GRIP1: variants seen among roughly 807,000 people sequenced by gnomAD.
GRIP1 encodes the protein glutamate receptor interacting protein 1.
GRIP1 carries 45 observed loss-of-function variants against 129.9 expected under a neutral mutation model. That is an observed-to-expected ratio of 0.35 (90% CI 0.27 to 0.44). The LOEUF (loss-of-function observed/expected upper bound fraction) is 0.44. Ranked by LOEUF, GRIP1 falls within the 20% of genes least tolerant of loss-of-function variation. GRIP1 has a pLI of 1.00. For missense variants in GRIP1, 1,196 were observed against 1,396.8 expected (o/e 0.86, Z 2.29); for synonymous variants, 530 against 520.8 (o/e 1.02, Z -0.24).
At chr12:67,023,828 C>T (rs2042902186) in intron 1 of GRIP1, among the ~76,000 whole-genome samples, 1 of 152,156 alleles carries the variant, frequency 6.6e-6, no homozygotes, top group Non-Finnish European at 1.5e-5. Context: ...ACCAGGGGCA[C>T]AGTGTCTCCT....
At chr12:66,550,885 G>C (rs1286529643) in intron 2 of GRIP1, among the ~76,000 whole-genome samples, 1 of 152,134 alleles carries the variant, frequency 6.6e-6, no homozygotes, top group African/African-American at 2.4e-5. Flanking sequence ...TGTAAGAGTT[G>C]ATAAGGGCCA....
intron 1 of GRIP1, among the ~76,000 whole-genome samples, chr12:67,031,471 T>A (rs2043021371): frequency 6.6e-6 from 1 of 152,186 alleles, no homozygotes; most frequent in Non-Finnish European, 1.5e-5. Context: ...ATTCTCAAAA[T>A]GTCAGAAATT....
At chr12:67,059,071 A>G (rs1592528110) in intron 1 of GRIP1, among the ~76,000 whole-genome samples, 1 of 152,244 alleles carries the variant, frequency 6.6e-6, no homozygotes, top group Non-Finnish European at 1.5e-5. Flanking sequence ...CCTATGTGGC[A>G]CATGCCACAT....
rs540994386 is a variant in GRIP1 at position 66,710,458 on chromosome 12, T to C, written c.-419-80122A>G. Among the ~76,000 whole-genome samples, 21 of 152,112 alleles carry C rather than the reference T, an allele frequency of 1.4e-4. No individual in the cohort carries two copies. The South Asian group carries it at 3.7e-3, about 27-fold the overall frequency. ...TCTTTCACATCTTGAAAATGTCTTATTCTTGAGGTAAGTTAATATTTATTT... is the reference window on the plus strand; with the variant it reads ...TCTTTCACATCTTGAAAATGTCTTACTCTTGAGGTAAGTTAATATTTATTT... On this transcript the variant is annotated intron_variant, in intron 1 of 4. Coordinates refer to the GRIP1 transcript ENST00000538373.
chr12:66,799,974 T>C (rs1317544097), intron 1 of GRIP1, among the ~76,000 whole-genome samples: 2 of 152,190 alleles, frequency 1.3e-5, no homozygotes, highest in East Asian at 1.9e-4. Flanking sequence ...AAATACGATT[T>C]GAATATCTAA....
intron 1 of GRIP1, among the ~76,000 whole-genome samples, chr12:66,893,503 G>A (rs2040696211): frequency 6.6e-6 from 1 of 152,130 alleles, no homozygotes; most frequent in South Asian, 2.1e-4. Flanking sequence ...CTCCCAAAGT[G>A]CTGGGAATAC....
chr12:66,645,247 G>A (rs2032266617), intron 1 of GRIP1, among the ~76,000 whole-genome samples: 1 of 152,112 alleles, frequency 6.6e-6, no homozygotes, highest in South Asian at 2.1e-4. Flanking sequence ...TATTGATGAG[G>A]AAACTAAAGC....
intron 1 of GRIP1, among the ~76,000 whole-genome samples, chr12:66,864,795 G>T (rs2040174031): frequency 1.3e-5 from 2 of 152,212 alleles, no homozygotes; most frequent in South Asian, 4.1e-4. Flanking sequence ...ATCAAATCCA[G>T]AAAATTATTG....
intron 7 of GRIP1, among the ~76,000 whole-genome samples, chr12:66,497,105 AGGTACACACTATGCATG>A (rs2138729118): frequency 6.6e-6 from 1 of 152,256 alleles, no homozygotes; most frequent in Non-Finnish European, 1.5e-5. Flanking sequence ...TTGGTGTGTC[AGGTACACACTATGCATG>A]TAGTGGCAAA....
At chr12:66,745,868 C>T (rs563283589) in intron 1 of GRIP1, among the ~76,000 whole-genome samples, 19 of 152,230 alleles carry the variant, frequency 1.2e-4, no homozygotes, top group African/African-American at 3.1e-4. Context: ...AGGTCAGAAG[C>T]GGCAAAGCCA....
chr12:66,770,844 C>T lies in GRIP1; in HGVS notation c.-420+33209G>A, dbSNP rs545475150. On this transcript the variant is annotated intron_variant, in intron 1 of 4. Transcript: ENST00000538373. Reference sequence around the variant, plus strand: ...GGTGCAGTGGCTCATGCCTATAATCCCAGCACTTTGGGAGGCCGAGGCAGG... The same window carrying T: ...GGTGCAGTGGCTCATGCCTATAATCTCAGCACTTTGGGAGGCCGAGGCAGG... 2.0e-4 allele frequency among the ~76,000 whole-genome samples: 30 copies of T among 152,154 alleles called. No homozygotes were observed. The South Asian group carries it at 6.0e-3, about 31-fold the overall frequency.
At chr12:66,729,078 G>A (rs2036347182) in intron 1 of GRIP1, among the ~76,000 whole-genome samples, 1 of 150,722 alleles carries the variant, frequency 6.6e-6, no homozygotes, top group Admixed American at 6.6e-5. Context: ...TAAAGAGATG[G>A]GTTCTCACTA....
chr12:66,849,244 T>C (rs1446664366), intron 1 of GRIP1, among the ~76,000 whole-genome samples: 1 of 152,132 alleles, frequency 6.6e-6, no homozygotes, highest in African/African-American at 2.4e-5. Flanking sequence ...CTCTTCTATC[T>C]GGCCATAACC....
chr12:66,820,042 G>A (rs2039290705), intron 1 of GRIP1, among the ~76,000 whole-genome samples: 1 of 152,198 alleles, frequency 6.6e-6, no homozygotes, highest in Non-Finnish European at 1.5e-5. Context: ...CCTGAAACCT[G>A]CTGAGGTTCT....
chr12:66,869,766 G>A lies in GRIP1; in HGVS notation c.58+199284C>T, dbSNP rs868507110. ...GCAGTGATGAAGGCACTTAAGCTCAGGTATCTTGTAAAGATACAAGACAAA... is the reference window on the plus strand; with the variant it reads ...GCAGTGATGAAGGCACTTAAGCTCAAGTATCTTGTAAAGATACAAGACAAA... On this transcript the variant is annotated intron_variant, in intron 1 of 1. Transcript: ENST00000643019. 1.8e-4 allele frequency among the ~76,000 whole-genome samples: 27 copies of A among 152,228 alleles called. No homozygotes were observed. In the Middle Eastern group the frequency reaches 0.01, roughly 58 times the overall value.
intron 1 of GRIP1, among the ~76,000 whole-genome samples, chr12:67,036,528 A>G (rs1299433778): frequency 4.6e-5 from 7 of 151,934 alleles, no homozygotes; most frequent in Admixed American, 1.3e-4. Flanking sequence ...ACAGGGTTTC[A>G]TCATGTTGGC....
At chr12:66,787,961 C>G (rs2038407289) in intron 1 of GRIP1, among the ~76,000 whole-genome samples, 1 of 152,102 alleles carries the variant, frequency 6.6e-6, no homozygotes, top group Non-Finnish European at 1.5e-5. Context: ...TTACTTTCCT[C>G]CACTCTGAGT....
At chr12:66,909,536 T>C (rs1308825398) in intron 1 of GRIP1, among the ~76,000 whole-genome samples, 1 of 152,230 alleles carries the variant, frequency 6.6e-6, no homozygotes, top group African/African-American at 2.4e-5. Context: ...AGTTTAAGGC[T>C]TCTTCCCTGA....
At chr12:66,817,391 C>A (rs1001400810) in intron 1 of GRIP1, among the ~76,000 whole-genome samples, 2 of 152,104 alleles carry the variant, frequency 1.3e-5, no homozygotes, top group African/African-American at 4.8e-5. Flanking sequence ...ATATTTGACA[C>A]TAAAACTGAA....
Sources: gnomAD v4.1 joint callset for allele counts (sites outside exome capture counted in the v4.1 genomes callset) on GRCh38, gnomAD v4.1.1 for gene constraint, MANE v1.5 for transcripts, NCBI Gene and HGNC (gene_info 2026-07-23, HGNC 2026-07-21) for gene names.